The following FRMD3 variants were observed in gnomAD, a reference collection of about 807,000 sequenced individuals.
FRMD3 encodes FERM domain-containing protein 3.
Under a neutral mutation model 70.2 loss-of-function variants are expected in FRMD3, and 33 were observed. The observed-to-expected ratio is 0.47, with a 90% CI of 0.36 to 0.63. FRMD3 has a LOEUF of 0.63. FRMD3 is among the 20% of genes least tolerant of loss of function. The probability of loss-of-function intolerance (pLI) is 0.00; values close to 1 mark genes in which losing one functional copy is unlikely to be tolerated. For missense variants in FRMD3, 632 were observed against 711.4 expected, an observed-to-expected ratio of 0.89 and a Z score of 1.27; for synonymous variants, 279 against 255.9, an observed-to-expected ratio of 1.09 and a Z score of -0.86.
In FRMD3 at chr9:83,271,571, G is replaced by C. The variant is rs371617784; in HGVS notation, c.1195+19032C>G. On this transcript the variant is annotated intron_variant, in intron 13 of 13. Coordinates refer to ENST00000304195, the MANE Select transcript of FRMD3 (RefSeq NM_174938.6). ...TTTGTATAACTTAATTTCCTTGTTT[G>C]GAAAGTGAGACAACAGTATCTGTTC... Among the ~76,000 whole-genome samples, 4 of 152,272 alleles carry C rather than the reference G, an allele frequency of 2.6e-5. No homozygotes were observed. In the East Asian group the frequency reaches 7.7e-4, roughly 29 times the overall value.
intron 6 of FRMD3, among the ~76,000 whole-genome samples, chr9:83,320,032 AT>A (rs1158752305): frequency 6.6e-6 from 1 of 152,234 alleles, no homozygotes; most frequent in Non-Finnish European, 1.5e-5. Context: ...TACTGAATTC[AT>A]TTATTAAATC....
At chr9:83,403,172 G>A (rs1338934613) in intron 1 of FRMD3, among the ~76,000 whole-genome samples, 1 of 151,928 alleles carries the variant, frequency 6.6e-6, no homozygotes, top group African/African-American at 2.4e-5. Flanking sequence ...CCAAAGTGCT[G>A]GACTTACAGG....
chr9:83,471,258 G>A (rs1460401087), intron 1 of FRMD3, among the ~76,000 whole-genome samples: 3 of 152,182 alleles, frequency 2.0e-5, no homozygotes, highest in Non-Finnish European at 4.4e-5. Context: ...GATGAAGCAG[G>A]AAAAAGAAAT....
At position 83,298,260 on chromosome 9, in the gene FRMD3, C is replaced by T. The variant is rs1289868984; in HGVS notation, c.1070+488G>A. The stretch of plus-strand genomic sequence containing the variant: ...GAGAATATTTAATTCTTAAGAATGA[C>T]TGCATATCGTCACCTTAATGGAGGT... On this transcript the variant is annotated intron_variant, in intron 12 of 13. Coordinates refer to ENST00000304195, the MANE Select transcript of FRMD3 (RefSeq NM_174938.6). Among the ~76,000 whole-genome samples the T allele has an allele frequency of 3.9e-5, 6 of 152,336 alleles. 1 individual carries two copies. Among genetic ancestry groups the T allele is most frequent in the African/African-American group, 1.4e-4 (6 of 41,580 alleles).
chr9:83,467,293 G>A (rs904768750), intron 1 of FRMD3, among the ~76,000 whole-genome samples: 2 of 152,138 alleles, frequency 1.3e-5, no homozygotes, highest in African/African-American at 4.8e-5. Context: ...AGGAGTTGAG[G>A]GCTGTTGTCT....
intron 1 of FRMD3, among the ~76,000 whole-genome samples, chr9:83,407,080 C>G (rs897741608): frequency 3.3e-5 from 5 of 152,162 alleles, no homozygotes; most frequent in South Asian, 2.1e-4. Flanking sequence ...CTCACAGACT[C>G]CCCACACCCT....
At chr9:83,274,012 C>A (rs561062888) in intron 13 of FRMD3, among the ~76,000 whole-genome samples, 1 of 152,198 alleles carries the variant, frequency 6.6e-6, no homozygotes, top group East Asian at 1.9e-4. Flanking sequence ...ATAGAGACGG[C>A]ATCTCACTAG....
intron 1 of FRMD3, among the ~76,000 whole-genome samples, chr9:83,436,799 A>C (rs1010170988): frequency 1.6e-4 from 23 of 141,186 alleles, no homozygotes; most frequent in African/African-American, 5.2e-4. Flanking sequence ...AAAAAAAAAA[A>C]AACAAGACAG....
intron 2 of FRMD3, among the ~76,000 whole-genome samples, chr9:83,379,813 AAAT>A (rs1362520303): frequency 6.6e-6 from 1 of 152,146 alleles, no homozygotes; most frequent in Non-Finnish European, 1.5e-5. Flanking sequence ...GTGGTAGTAT[AAAT>A]ACCTCTGCTC....
At chr9:83,400,818 A>C (rs1475279909) in intron 1 of FRMD3, among the ~76,000 whole-genome samples, 1 of 152,356 alleles carries the variant, frequency 6.6e-6, no homozygotes, top group South Asian at 2.1e-4. Context: ...AGCTGAGACA[A>C]GATTTTAAGC....
chr9:83,583,883 T>C, the FRMD3 span, among the ~76,000 whole-genome samples: 1 of 152,296 alleles, frequency 6.6e-6, no homozygotes, highest in South Asian at 2.1e-4. Flanking sequence ...ATTACAAACA[T>C]GAGCCACTGC....
intron 3 of FRMD3, among the ~76,000 whole-genome samples, chr9:83,357,689 T>C (rs1824446848): frequency 6.6e-6 from 1 of 152,192 alleles, no homozygotes; most frequent in Non-Finnish European, 1.5e-5. Context: ...GTTGAGCATT[T>C]TCTCACATGT....
chr9:83,440,120 T>C (rs77646161), intron 1 of FRMD3, among the ~76,000 whole-genome samples: 15,197 of 152,204 alleles, frequency 0.1, 828 homozygotes, highest in Admixed American at 0.13. Flanking sequence ...CTCTGGTTTC[T>C]ACCAGCAGAG....
At chr9:83,300,514 A>G (rs912904243) in intron 10 of FRMD3, among the ~76,000 whole-genome samples, 1 of 152,246 alleles carries the variant, frequency 6.6e-6, no homozygotes, top group African/African-American at 2.4e-5. Flanking sequence ...AAAGGCATAC[A>G]GAGTGATATA....
intron 1 of FRMD3, among the ~76,000 whole-genome samples, chr9:83,406,980 C>A (rs1282489978): frequency 6.6e-6 from 1 of 152,144 alleles, no homozygotes; most frequent in African/African-American, 2.4e-5. Flanking sequence ...GAATAAAGCC[C>A]TTCTCACCAC....
upstream of FRMD3, among the ~76,000 whole-genome samples, chr9:83,541,946 T>TTATTATTA (rs1362096232): frequency 6.6e-6 from 1 of 152,110 alleles, no homozygotes; most frequent in African/African-American, 2.4e-5. Context: ...TTTTTTATTA[T>TTATTATTA]TATTATTATT....
At chr9:83,298,583 C>A (rs1386038426) in intron 12 of FRMD3, among the ~76,000 whole-genome samples, 165 bp downstream of exon 12, 1 of 152,250 alleles carries the variant, frequency 6.6e-6, no homozygotes. Context: ...TGGAGCCCAG[C>A]TGTGCTCATG....
rs4014025 is a variant in FRMD3 at position 83,488,972 on chromosome 9, T to TTGTGTGTGTGTGTGTGTG, written c.147+49095_147+49112dup. ...AGCTGGAGCTTAGCCCCCTATACCTTTGTGTGTGTGTGTGTGTGTGTGTGT... is the reference window on the plus strand; with the variant it reads ...AGCTGGAGCTTAGCCCCCTATACCTTTGTGTGTGTGTGTGTGTGTGTGTGTGTGTGTGTGTGTGTGTGT... On this transcript the variant is annotated intron_variant, in intron 1 of 13. Coordinates refer to ENST00000304195, the MANE Select transcript of FRMD3 (RefSeq NM_174938.6). Among the ~76,000 whole-genome samples, 739 of 135,566 alleles carry TTGTGTGTGTGTGTGTGTG rather than the reference T, an allele frequency of 5.5e-3. 8 individuals carry two copies. The highest frequency in any genetic ancestry group is 7.3e-3 in the Non-Finnish European group (460 of 62,896). The allele number at this position is 135,566 out of a possible 152,430, so 88.9% of individuals were successfully genotyped here.
chr9:83,472,929 C>G (rs1388932049), intron 1 of FRMD3, among the ~76,000 whole-genome samples: 5 of 152,072 alleles, frequency 3.3e-5, no homozygotes, highest in Non-Finnish European at 7.4e-5. Context: ...TCTTTCAAAA[C>G]TATTCTCTAA....
Sources: allele counts gnomAD v4.1 joint callset (sites outside exome capture counted in the v4.1 genomes callset), GRCh38; gene constraint gnomAD v4.1.1; transcripts MANE v1.5; gene names NCBI Gene and HGNC (gene_info 2026-07-23, HGNC 2026-07-21).